Variants in C2orf92 observed in about 807,000 individuals in gnomAD.
The protein encoded by C2orf92 is chromosome 2 open reading frame 92, also known as uncharacterized protein C2orf92.
intron 3 of C2orf92, among the ~76,000 whole-genome samples, chr2:97,684,278 G>A (rs916606945): frequency 3.3e-5 from 5 of 151,874 alleles, no homozygotes; most frequent in Non-Finnish European, 7.4e-5. Flanking sequence ...CTCGTGATCC[G>A]CCCACCTCGG....
intron 3 of C2orf92, among the ~76,000 whole-genome samples, chr2:97,685,252 T>C (rs532328628): frequency 1.1e-4 from 16 of 149,710 alleles, no homozygotes; most frequent in East Asian, 7.9e-4. Flanking sequence ...TTGGTTTTTT[T>C]CTTTCTTTCT....
chr2:97,694,052 T>G (rs913454710), intron 5 of C2orf92, among the ~76,000 whole-genome samples: 2 of 152,104 alleles, frequency 1.3e-5, no homozygotes, highest in South Asian at 2.1e-4. Flanking sequence ...CTATACTCAT[T>G]AAATAATAAC....
chr2:97,667,533 T>C (rs964263393), upstream of C2orf92, among the ~76,000 whole-genome samples: 20 of 150,344 alleles, frequency 1.3e-4, no homozygotes, highest in Admixed American at 1.2e-3. Flanking sequence ...CCCGGGTTCA[T>C]GCCATTCTCC....
intron 7 of C2orf92, among the ~76,000 whole-genome samples, chr2:97,701,699 AG>A (rs1676501970): frequency 6.6e-6 from 1 of 152,256 alleles, no homozygotes; most frequent in Admixed American, 6.5e-5. Flanking sequence ...GAGTGAGAGC[AG>A]GGCTGATATT....
rs1261795474 is a variant in C2orf92, at chr2:97,674,538, A to G, written c.129A>G (p.Thr43=). The G allele has an allele frequency of 1.0e-5, 4 of 398,560 alleles. No homozygotes were observed. The highest frequency in any genetic ancestry group is 1.8e-5 in the Non-Finnish European group (4 of 226,080). The allele number at this position is 398,560 out of a possible 1,614,324, so 24.7% of individuals were successfully genotyped here. Residue 43 remains threonine (T), a synonymous_variant, in exon 2 of 8, where the codon ACA becomes ACG. Transcript: ENST00000627399. ...DETRTAVRSI[T]KRDTQKSYSQ... Reference sequence around the variant, plus strand: ...CAAGAACAGCAGTCAGATCCATTACAAAGAGAGACACACAAAAAAGCAAGT... The same window carrying G: ...CAAGAACAGCAGTCAGATCCATTACGAAGAGAGACACACAAAAAAGCAAGT...
In C2orf92 at chr2:97,675,943, G is replaced by A. The variant is rs1675562568; in HGVS notation, c.232+15G>A. On this transcript the variant is annotated intron_variant, in intron 3 of 7. Coordinates refer to ENST00000627399, the MANE Select transcript of C2orf92 (RefSeq NM_001351368.2). ...TAAAATATTTGGTAAGTAGCCTCCT[G>A]CTATGAAGCCTTTAGCCTGTGTTTG... The A allele has an allele frequency of 1.0e-5, 4 of 398,618 alleles. No individual in the cohort carries two copies. The South Asian group carries it at 5.1e-4, about 51-fold the overall frequency. 24.7% of individuals were successfully genotyped at this position (398,618 alleles called of 1,614,324 possible).
At chr2:97,666,720 G>T (rs1170944732), upstream of C2orf92, among the ~76,000 whole-genome samples, 3 of 151,580 alleles carry the variant, frequency 2.0e-5, no homozygotes, top group Non-Finnish European at 4.4e-5. Flanking sequence ...TTGTGCGCCT[G>T]TAGTGCCAGC....
intron 3 of C2orf92, among the ~76,000 whole-genome samples, chr2:97,680,126 C>T (rs1466218013): frequency 1.3e-5 from 2 of 151,956 alleles, no homozygotes; most frequent in African/African-American, 4.8e-5. Context: ...ATGGTGAAAC[C>T]CCGTCTTTAC....
At chr2:97,670,469 G>A (rs1675378874) in intron 1 of C2orf92, 1 of 149,380 alleles carries the variant, frequency 6.7e-6, no homozygotes, top group Admixed American at 6.8e-5. Flanking sequence ...TCAAGCTTGG[G>A]CAACAGAGTG....
chr2:97,686,013 A>C (rs948707680), intron 3 of C2orf92, among the ~76,000 whole-genome samples: 3 of 152,208 alleles, frequency 2.0e-5, no homozygotes, highest in Non-Finnish European at 4.4e-5. Context: ...CAGCCTAGGT[A>C]ATTTGTAATA....
chr2:97,694,612 C>T (rs776668500), intron 5 of C2orf92: 2 of 151,946 alleles, frequency 1.3e-5, no homozygotes, highest in African/African-American at 2.4e-5. Flanking sequence ...ATGTATCTAC[C>T]ATGTTTTGTT....
intron 5 of C2orf92, among the ~76,000 whole-genome samples, chr2:97,694,935 C>T (rs1438074918): frequency 6.6e-6 from 1 of 152,150 alleles, no homozygotes; most frequent in Non-Finnish European, 1.5e-5. Context: ...GTACTATTGG[C>T]CATTTGTATA....
chr2:97,687,541 A>G (rs543116552), intron 3 of C2orf92, among the ~76,000 whole-genome samples: 2 of 152,092 alleles, frequency 1.3e-5, no homozygotes, highest in South Asian at 4.2e-4. Flanking sequence ...AGGCCAGTGA[A>G]GTCTCTCCTG....
chr2:97,688,112 A>C (rs1676023276), intron 3 of C2orf92, among the ~76,000 whole-genome samples: 1 of 152,034 alleles, frequency 6.6e-6, no homozygotes. Context: ...CCACGGCTCA[A>C]CTCTGCAGTT....
At chr2:97,665,009 A>T (rs573615313), upstream of C2orf92, among the ~76,000 whole-genome samples, 4 of 152,272 alleles carry the variant, frequency 2.6e-5, no homozygotes, top group South Asian at 8.3e-4. Flanking sequence ...CACTTTACAT[A>T]AGTTATATTA....
chr2:97,692,312 G>A (rs1158155300), intron 5 of C2orf92, among the ~76,000 whole-genome samples: 1 of 151,050 alleles, frequency 6.6e-6, no homozygotes, highest in East Asian at 1.9e-4. Flanking sequence ...CCTACTTAAT[G>A]TTTGGGTATA....
At chr2:97,695,020 G>A (rs1444418020) in intron 5 of C2orf92, among the ~76,000 whole-genome samples, 1 of 152,086 alleles carries the variant, frequency 6.6e-6, no homozygotes, top group Non-Finnish European at 1.5e-5. Context: ...GTATATTGTT[G>A]GGTGTCAGGA....
intron 3 of C2orf92, among the ~76,000 whole-genome samples, chr2:97,686,429 C>CT (rs1675961884): frequency 6.8e-6 from 1 of 147,394 alleles, no homozygotes; most frequent in South Asian, 2.2e-4. Flanking sequence ...TTTTTTTTTT[C>CT]TTTTTTCTGA....
intron 4 of C2orf92, among the ~76,000 whole-genome samples, chr2:97,689,523 A>G (rs1209253381): frequency 1.3e-5 from 2 of 152,234 alleles, no homozygotes; most frequent in Non-Finnish European, 2.9e-5. Context: ...TATGGGAAAA[A>G]TTTAGCACTT....
Sources: gnomAD v4.1 joint callset for allele counts (sites outside exome capture counted in the v4.1 genomes callset) on GRCh38, gnomAD v4.1.1 for gene constraint, MANE v1.5 for transcripts, NCBI Gene and HGNC (gene_info 2026-07-23, HGNC 2026-07-21) for gene names.